The following MAP3K7CL variants were observed in gnomAD, a reference collection of about 807,000 sequenced individuals.
MAP3K7CL encodes MAP3K7 C-terminal-like protein.
In MAP3K7CL, 16 loss-of-function variants were observed where a neutral mutation model predicts 18.6. That is an observed-to-expected ratio of 0.86 (90% CI 0.58 to 1.31). The LOEUF (loss-of-function observed/expected upper bound fraction) is 1.31, where lower values mean the gene tolerates loss of function less well. Among genes scored for constraint, MAP3K7CL ranks in the 50% most tolerant of loss-of-function variants. The pLI is 0.00. For synonymous variants in MAP3K7CL, 65 were observed against 66.8 expected, an observed-to-expected ratio of 0.97 and a Z score of 0.13; for missense variants, 163 against 174.4, an observed-to-expected ratio of 0.93 and a Z score of 0.37.
chr21:29,141,338 C>G (rs1271915602), intron 2 of MAP3K7CL, among the ~76,000 whole-genome samples: 1 of 149,070 alleles, frequency 6.7e-6, no homozygotes, highest in East Asian at 2.0e-4. Flanking sequence ...CGTGGTGAAA[C>G]CTGTCTCTAC....
intron 4 of MAP3K7CL, among the ~76,000 whole-genome samples, chr21:29,100,073 A>C (rs1318514603): frequency 2.2e-5 from 3 of 137,306 alleles, no homozygotes; most frequent in African/African-American, 8.5e-5. Context: ...ACAGAGCGAG[A>C]CTCCGTCTTT....
intron 4 of MAP3K7CL, among the ~76,000 whole-genome samples, chr21:29,116,982 G>A (rs1030251019): frequency 6.6e-6 from 1 of 152,058 alleles, no homozygotes; most frequent in Non-Finnish European, 1.5e-5. Context: ...TTTGGCAACT[G>A]GTGAAATATC....
intron 2 of MAP3K7CL, among the ~76,000 whole-genome samples, chr21:29,138,104 A>G (rs890177213): frequency 3.3e-5 from 5 of 152,204 alleles, no homozygotes; most frequent in African/African-American, 1.2e-4. Flanking sequence ...AATGAGCTGT[A>G]AGACTTTGAA....
intron 4 of MAP3K7CL, among the ~76,000 whole-genome samples, chr21:29,167,682 G>T (rs1265408989): frequency 6.8e-6 from 1 of 146,718 alleles, no homozygotes; most frequent in Non-Finnish European, 1.5e-5. Context: ...AGATCAACCA[G>T]AGAAGGACCA....
chr21:29,139,544 T>A (rs2086957619), intron 2 of MAP3K7CL, among the ~76,000 whole-genome samples: 1 of 152,194 alleles, frequency 6.6e-6, no homozygotes, highest in Non-Finnish European at 1.5e-5. Context: ...AAACCTCATC[T>A]GCACTAAGCT....
chr21:29,109,716 T>A, intron 4 of MAP3K7CL: 1 of 985,904 alleles, frequency 1.0e-6, no homozygotes, highest in Non-Finnish European at 1.2e-6. Flanking sequence ...TATACAAACC[T>A]TATACAAACA....
intron 4 of MAP3K7CL, among the ~76,000 whole-genome samples, chr21:29,123,849 G>A (rs1339084565): frequency 1.3e-5 from 2 of 152,118 alleles, no homozygotes; most frequent in Admixed American, 6.5e-5. Context: ...AGAAATTTAT[G>A]TTTTCCTTAG....
upstream of MAP3K7CL, chr21:29,128,223 C>G (rs773101810): frequency 3.9e-5 from 6 of 152,190 alleles, no homozygotes; most frequent in Non-Finnish European, 8.8e-5. Context: ...AACCTGGATA[C>G]TGGACCACTG....
rs909681764 is a variant in MAP3K7CL, at chr21:29,093,481, G to T, written c.370+900G>T. Among the ~76,000 whole-genome samples, 5 of 151,678 alleles carry T rather than the reference G, an allele frequency of 3.3e-5. No homozygotes were observed. In the East Asian group the frequency reaches 9.7e-4, roughly 30 times the overall value. On this transcript the variant is annotated intron_variant, in intron 4 of 6. Coordinates refer to the MAP3K7CL transcript ENST00000286791. The stretch of plus-strand genomic sequence containing the variant: ...AAGACCTAGGTTTTTTTGTTTGTTT[G>T]TTTGTTTGTTTTTGTTTTGAGATGG...
chr21:29,088,625 T>C (rs2085966947), intron 1 of MAP3K7CL, among the ~76,000 whole-genome samples: 1 of 152,218 alleles, frequency 6.6e-6, no homozygotes, highest in African/African-American at 2.4e-5. Flanking sequence ...AGTGCTGTAT[T>C]TCTTAAAGCT....
chr21:29,116,561 AAT>A (rs1351181611), intron 4 of MAP3K7CL, among the ~76,000 whole-genome samples: 2 of 152,174 alleles, frequency 1.3e-5, no homozygotes, highest in Non-Finnish European at 2.9e-5. Context: ...AATTATTAAA[AAT>A]ATCTCAGGTC....
At chr21:29,172,249 T>C (rs28707701) in intron 4 of MAP3K7CL, among the ~76,000 whole-genome samples, 173 of 93,928 alleles carry the variant, frequency 1.8e-3, no homozygotes, top group South Asian at 7.7e-3. Context: ...TTCTTTTTTT[T>C]TTTTTTTTTT....
chr21:29,088,998 C>T (rs1277629697), intron 1 of MAP3K7CL, among the ~76,000 whole-genome samples: 1 of 151,784 alleles, frequency 6.6e-6, no homozygotes, highest in African/African-American at 2.4e-5. Context: ...GGTGAAACCC[C>T]GTCTCTACTA....
At chr21:29,144,773 C>A (rs184717182) in intron 2 of MAP3K7CL, among the ~76,000 whole-genome samples, 4 of 152,262 alleles carry the variant, frequency 2.6e-5, no homozygotes, top group Admixed American at 2.0e-4. Context: ...ATTACAGACC[C>A]AATGTGTCCT....
rs568064874 is a variant in MAP3K7CL, at chr21:29,104,515, A to G, written c.370+11934A>G. Among the ~76,000 whole-genome samples the G allele has an allele frequency of 3.9e-5, 6 of 152,330 alleles. No homozygotes were observed. In the East Asian group the frequency reaches 5.8e-4, roughly 15 times the overall value. ...GTGGAGGCAAGCTTTGCTGTTTTCA[A>G]TTCTGTGCTAACCAGCCTTACGCAC... On this transcript the variant is annotated intron_variant, in intron 4 of 6. Coordinates refer to the MAP3K7CL transcript ENST00000286791.
intron 2 of MAP3K7CL, among the ~76,000 whole-genome samples, chr21:29,146,961 C>T (rs927467741): frequency 6.6e-6 from 1 of 152,140 alleles, no homozygotes; most frequent in Non-Finnish European, 1.5e-5. Flanking sequence ...GTACTATCAG[C>T]ACATTGGGAG....
chr21:29,092,863 TA>T (rs2086054012), intron 4 of MAP3K7CL, among the ~76,000 whole-genome samples: 1 of 152,216 alleles, frequency 6.6e-6, no homozygotes, highest in African/African-American at 2.4e-5. Context: ...CTTAACTGAT[TA>T]CAAATCTCTC....
intron 4 of MAP3K7CL, among the ~76,000 whole-genome samples, chr21:29,113,130 T>C (rs1010412795): frequency 6.6e-6 from 1 of 152,206 alleles, no homozygotes; most frequent in Non-Finnish European, 1.5e-5. Context: ...TTCCTCTTCC[T>C]CTGTGCCTTG....
In MAP3K7CL at chr21:29,086,376, C is replaced by T. The variant is rs146110509; in HGVS notation, c.57+459C>T. ...ATGAACTTCTCGAGGTTCATGGCCC[C>T]GTAAGTGTTTGCTGCCCACCAGCTC... On this transcript the variant is annotated intron_variant, in intron 1 of 6. Coordinates refer to the MAP3K7CL transcript ENST00000286791. 2.0e-4 allele frequency among the ~76,000 whole-genome samples: 31 copies of T among 152,256 alleles called. No homozygotes were observed. In the East Asian group the frequency reaches 4.8e-3, roughly 24 times the overall value.
Sources: allele counts gnomAD v4.1 joint callset (sites outside exome capture counted in the v4.1 genomes callset), GRCh38; gene constraint gnomAD v4.1.1; transcripts MANE v1.5; gene names NCBI Gene and HGNC (gene_info 2026-07-23, HGNC 2026-07-21).